The following PPM1H variants were observed in gnomAD, a reference collection of about 807,000 sequenced individuals.
PPM1H encodes protein phosphatase, Mg2+/Mn2+ dependent 1H.
A neutral mutation model predicts 54.9 loss-of-function variants in PPM1H; 27 were observed. The observed-to-expected ratio is 0.49, with a 90% CI of 0.36 to 0.68. The LOEUF (loss-of-function observed/expected upper bound fraction) is 0.68. PPM1H is among the 30% of genes least tolerant of loss of function. PPM1H has a pLI of 0.00. For synonymous variants in PPM1H, 305 were observed against 270.8 expected, an observed-to-expected ratio of 1.13 and a Z score of -1.24; for missense variants, 596 against 667.8, an observed-to-expected ratio of 0.89 and a Z score of 1.19.
intron 1 of PPM1H, among the ~76,000 whole-genome samples, chr12:62,876,567 A>G (rs1870180590): frequency 6.6e-6 from 1 of 152,212 alleles, no homozygotes; most frequent in Non-Finnish European, 1.5e-5. Flanking sequence ...AGAAAACACA[A>G]GTGGGCAGGA....
chr12:62,656,322 C>T (rs981533266), intron 9 of PPM1H, among the ~76,000 whole-genome samples: 5 of 152,202 alleles, frequency 3.3e-5, no homozygotes, highest in Non-Finnish European at 7.3e-5. Context: ...CTCCAAGGCT[C>T]CTGTAACAGC....
At chr12:62,695,426 T>C (rs1352242250) in intron 6 of PPM1H, among the ~76,000 whole-genome samples, 2 of 152,056 alleles carry the variant, frequency 1.3e-5, no homozygotes, top group Non-Finnish European at 2.9e-5. Context: ...GTGGAGAGCT[T>C]AGGAGGTACT....
At chr12:62,716,715 A>G (rs1048949113) in intron 6 of PPM1H, among the ~76,000 whole-genome samples, 1 of 152,106 alleles carries the variant, frequency 6.6e-6, no homozygotes, top group African/African-American at 2.4e-5. Flanking sequence ...TTTGTTATAG[A>G]GATGGGGTCT....
intron 8 of PPM1H, 87 bp downstream of exon 8, chr12:62,689,612 T>C: frequency 1.1e-6 from 1 of 918,490 alleles, no homozygotes; most frequent in Non-Finnish European, 1.7e-6. Context: ...AGTTGGCTAC[T>C]GTCTGGATAT....
At chr12:62,676,691 G>A (rs2075988629) in intron 8 of PPM1H, among the ~76,000 whole-genome samples, 1 of 152,154 alleles carries the variant, frequency 6.6e-6, no homozygotes, top group Non-Finnish European at 1.5e-5. Context: ...TGCCATCTCA[G>A]CCACCTCTGG....
intron 4 of PPM1H, among the ~76,000 whole-genome samples, chr12:62,768,654 C>CAAAAAAAAA (rs11318247): frequency 6.7e-6 from 1 of 150,176 alleles, no homozygotes; most frequent in Non-Finnish European, 1.5e-5. Context: ...GACTCTGTCT[C>CAAAAAAAAA]AAAAAAAAAG....
chr12:62,902,214 A>G (rs1014272793), intron 1 of PPM1H, among the ~76,000 whole-genome samples: 11 of 151,752 alleles, frequency 7.2e-5, no homozygotes, highest in Non-Finnish European at 1.2e-4. Flanking sequence ...TACAAAAATT[A>G]GCCGGTCGTG....
At chr12:62,781,075 G>C (rs1035471667) in intron 4 of PPM1H, among the ~76,000 whole-genome samples, 12 of 152,196 alleles carry the variant, frequency 7.9e-5, no homozygotes, top group Non-Finnish European at 1.8e-4. Flanking sequence ...GCCCAACAAT[G>C]ACAGACGAAA....
intron 3 of PPM1H, among the ~76,000 whole-genome samples, chr12:62,794,004 C>T (rs1319439287): frequency 1.3e-5 from 2 of 152,178 alleles, no homozygotes; most frequent in Non-Finnish European, 2.9e-5. Context: ...AGTTAAAACA[C>T]GGCTCTGAGC....
At chr12:62,816,631 A>G (rs542592896) in intron 2 of PPM1H, among the ~76,000 whole-genome samples, 2 of 152,350 alleles carry the variant, frequency 1.3e-5, no homozygotes, top group Admixed American at 1.3e-4. Context: ...AACATTTTGG[A>G]TAAGGGATAC....
chr12:62,823,639 G>C (rs1005085092), intron 2 of PPM1H, among the ~76,000 whole-genome samples: 5 of 151,984 alleles, frequency 3.3e-5, no homozygotes, highest in Non-Finnish European at 7.4e-5. Context: ...CAGAACCAAT[G>C]ACAAAAACCA....
chr12:62,803,869 ACAAG>A (rs1465125182), intron 2 of PPM1H, among the ~76,000 whole-genome samples: 1 of 152,202 alleles, frequency 6.6e-6, no homozygotes, highest in Non-Finnish European at 1.5e-5. Flanking sequence ...ACAAAACAAA[ACAAG>A]CAAGCCGATG....
rs1339410783 is a variant in PPM1H at position 62,647,005 on chromosome 12, A to AGTT, written c.*1481_*1483dup. On this transcript the variant is annotated 3_prime_UTR_variant, in exon 10 of 10. Coordinates refer to ENST00000228705, the MANE Select transcript of PPM1H (RefSeq NM_020700.2). Reference sequence around the variant, plus strand: ...TCAGAAGAGTGTTTTAATTACTCAAAGTTGTCAAAATGGTGGCAATACCTC... The same window carrying AGTT: ...TCAGAAGAGTGTTTTAATTACTCAAAGTTGTTGTCAAAATGGTGGCAATACCTC... The AGTT allele has an allele frequency of 6.6e-6, 1 of 152,194 alleles. No individual in the cohort carries two copies. Among genetic ancestry groups the AGTT allele is most frequent in the African/African-American group, 2.4e-5 (1 of 41,440 alleles). The allele number at this position is 152,194 out of a possible 1,614,324, so 9.4% of individuals were successfully genotyped here. A position where few individuals can be genotyped will look rare whatever the true frequency, so the allele number is the denominator to read the frequency against.
In PPM1H at chr12:62,647,886, A is replaced by T. The variant is rs1222700355; in HGVS notation, c.*603T>A. 7.2e-6 allele frequency: 1 copy of T among 138,240 alleles called. No individual in the cohort carries two copies. Among genetic ancestry groups the T allele is most frequent in the African/African-American group, 2.9e-5 (1 of 34,946 alleles). 8.6% of individuals were successfully genotyped at this position (138,240 alleles called of 1,614,324 possible). A position where few individuals can be genotyped will look rare whatever the true frequency, so the allele number is the denominator to read the frequency against. ...TCTGTGGAAGGGGAATAAAAAACAG[A>T]TTCAAGGAATGTCAAAAACACGAAA... On this transcript the variant is annotated 3_prime_UTR_variant, in exon 10 of 10. Transcript: ENST00000228705.
intron 1 of PPM1H, among the ~76,000 whole-genome samples, chr12:62,893,500 T>C (rs1214521238): frequency 6.6e-6 from 1 of 152,122 alleles, no homozygotes; most frequent in African/African-American, 2.4e-5. Context: ...TCTGTTGCCC[T>C]AGCTGAAGTG....
At chr12:62,801,678 C>A in intron 3 of PPM1H, 138 bp downstream of exon 3, 1 of 890,920 alleles carries the variant, frequency 1.1e-6, no homozygotes, top group Non-Finnish European at 1.7e-6. Context: ...GAATGGAAGC[C>A]CCATTATCAC....
intron 1 of PPM1H, among the ~76,000 whole-genome samples, chr12:62,881,018 C>T (rs1565818414): frequency 6.6e-6 from 1 of 152,194 alleles, no homozygotes; most frequent in Non-Finnish European, 1.5e-5. Context: ...CCCCTCCACC[C>T]TCGAATGGTG....
At chr12:62,922,336 C>CTTT (rs60390481) in intron 1 of PPM1H, among the ~76,000 whole-genome samples, 84,920 of 147,986 alleles carry the variant, frequency 0.57, 24,469 homozygotes, top group East Asian at 0.81. Flanking sequence ...GATAGGATGT[C>CTTT]TTTTTTTTTT....
intron 2 of PPM1H, among the ~76,000 whole-genome samples, chr12:62,829,201 C>G (rs1267865273): frequency 6.6e-6 from 1 of 152,192 alleles, no homozygotes. Flanking sequence ...AATTCTGGCT[C>G]ACATTACAAC....
Sources: gnomAD v4.1 joint callset for allele counts (sites outside exome capture counted in the v4.1 genomes callset) on GRCh38, gnomAD v4.1.1 for gene constraint, MANE v1.5 for transcripts, NCBI Gene and HGNC (gene_info 2026-07-23, HGNC 2026-07-21) for gene names.